CHSY3: variants seen among roughly 807,000 people sequenced by gnomAD.
CHSY3 encodes the protein N-acetylgalactosaminyl-proteoglycan 3-beta-glucuronosyltransferase 3.
Under a neutral mutation model 67.2 loss-of-function variants are expected in CHSY3, and 35 were observed. The ratio of observed to expected loss-of-function variants is 0.52; its 90% CI spans 0.40 to 0.69. The LOEUF (loss-of-function observed/expected upper bound fraction) is 0.69. CHSY3 is among the 30% of genes least tolerant of loss of function. The pLI is 0.00. For missense variants in CHSY3, 1,069 were observed against 1,138.5 expected (o/e 0.94, Z 0.88); for synonymous variants, 474 against 434.7 (o/e 1.09, Z -1.12).
intron 2 of CHSY3, among the ~76,000 whole-genome samples, chr5:130,175,846 T>C (rs1466300852): frequency 1.3e-5 from 2 of 151,906 alleles, no homozygotes; most frequent in African/African-American, 2.4e-5. Context: ...ACCTTATAAA[T>C]TAACTGAAGA....
rs537221274 is a variant in CHSY3, at chr5:130,184,657, G to T, written c.1515G>T (p.Met505Ile). The T allele has an allele frequency of 3.1e-6, 5 of 1,604,626 alleles. No homozygotes were observed. In the South Asian group the frequency reaches 5.5e-5, roughly 18 times the overall value. Reference sequence around the variant, plus strand: ...ATACCGTCCTACAGGTGATGGAGATGATCAATGAGAATGCCAAGAGCAGAG... The same window carrying T: ...ATACCGTCCTACAGGTGATGGAGATTATCAATGAGAATGCCAAGAGCAGAG... ...LDDTVLQVME[M>I]INENAKSRGR... Residue 505 changes from methionine (M) to isoleucine (I), a missense_variant, in exon 3 of 3, where the codon ATG becomes ATT. Around this residue, in one of 5 missense-constraint regions of CHSY3, gnomAD observed 401 missense variants for 395.2 expected, o/e 1.01. Coordinates refer to ENST00000305031, the MANE Select transcript of CHSY3 (RefSeq NM_175856.5).
intron 2 of CHSY3, among the ~76,000 whole-genome samples, chr5:130,174,597 A>T (rs1048432491): frequency 6.6e-6 from 1 of 152,154 alleles, no homozygotes; most frequent in Non-Finnish European, 1.5e-5. Context: ...CAATACCTAC[A>T]TTAATAATAA....
intron 2 of CHSY3, among the ~76,000 whole-genome samples, chr5:130,014,411 A>G (rs1764153095): frequency 6.6e-6 from 1 of 152,222 alleles, no homozygotes; most frequent in African/African-American, 2.4e-5. Context: ...ACAGTTTCAC[A>G]TGGCTAGGGA....
intron 2 of CHSY3, among the ~76,000 whole-genome samples, chr5:129,923,388 C>A (rs558873312): frequency 2.6e-5 from 4 of 151,602 alleles, no homozygotes; most frequent in Non-Finnish European, 5.9e-5. Flanking sequence ...TTGTGAACAT[C>A]GAGTTTCATT....
At chr5:130,088,925 A>G (rs995066142) in intron 2 of CHSY3, among the ~76,000 whole-genome samples, 3 of 152,070 alleles carry the variant, frequency 2.0e-5, no homozygotes, top group African/African-American at 4.8e-5. Flanking sequence ...ACGCACACGT[A>G]TGTTTATTGC....
At chr5:129,920,012 C>T (rs1258325407) in intron 2 of CHSY3, among the ~76,000 whole-genome samples, 3 of 151,982 alleles carry the variant, frequency 2.0e-5, no homozygotes, top group South Asian at 4.2e-4. Flanking sequence ...AATTATTAAC[C>T]ATGTTTACCA....
chr5:129,996,465 A>G (rs941042116), intron 2 of CHSY3, among the ~76,000 whole-genome samples: 2 of 152,216 alleles, frequency 1.3e-5, no homozygotes, highest in African/African-American at 4.8e-5. Context: ...TTGTTTTTAC[A>G]TCATCCAGCA....
Position 130,171,507 on chromosome 5 carries a change from C to G in CHSY3, c.1087-12722C>G, listed in dbSNP as rs144930462. On this transcript the variant is annotated intron_variant, in intron 2 of 2. Transcript: ENST00000305031. ...CAAGACATCAGGTGTCCAGAATATACTCTGCTGAGAAATCTATATCAATGA... is the reference window on the plus strand; with the variant it reads ...CAAGACATCAGGTGTCCAGAATATAGTCTGCTGAGAAATCTATATCAATGA... Among the ~76,000 whole-genome samples the G allele has an allele frequency of 2.0e-3, 307 of 152,238 alleles. 2 individuals are homozygous for G. Among genetic ancestry groups the G allele is most frequent in the African/African-American group, 6.8e-3 (282 of 41,542 alleles).
chr5:130,184,877 G>C lies in CHSY3; in HGVS notation c.1735G>C (p.Asp579His), dbSNP rs1004643309. ...KPFFRETEEL[D>H]VNSLVESINS... ...TTTCTTCAGAGAGACCGAAGAGCTAGATGTCAACAGTCTTGTGGAGAGTAT... is the reference window on the plus strand; with the variant it reads ...TTTCTTCAGAGAGACCGAAGAGCTACATGTCAACAGTCTTGTGGAGAGTAT... The change falls in exon 3 of 3, where the codon GAT (aspartate) becomes CAT (histidine). Residue 579 changes from aspartate (D) to histidine (H), a missense_variant. By Grantham distance (81) the Asp-to-His change is moderately conservative (BLOSUM62 -1). Transcript: ENST00000305031. 1.1e-5 allele frequency: 17 copies of C among 1,578,700 alleles called. No individual in the cohort carries two copies. Among genetic ancestry groups the C allele is most frequent in the African/African-American group, 2.7e-5 (2 of 74,164 alleles).
At chr5:130,075,957 G>A (rs769286426) in intron 2 of CHSY3, among the ~76,000 whole-genome samples, 8 of 152,044 alleles carry the variant, frequency 5.3e-5, no homozygotes, top group Non-Finnish European at 1.2e-4. Context: ...AGCTATCAAG[G>A]CTTAAAATCT....
chr5:130,146,207 A>G (rs1460207215), intron 2 of CHSY3, among the ~76,000 whole-genome samples: 2 of 152,192 alleles, frequency 1.3e-5, no homozygotes, highest in Non-Finnish European at 2.9e-5. Flanking sequence ...CCTGTGTCCA[A>G]CAATGGATTA....
At chr5:130,021,751 T>C (rs1764396733) in intron 2 of CHSY3, among the ~76,000 whole-genome samples, 1 of 152,178 alleles carries the variant, frequency 6.6e-6, no homozygotes. Flanking sequence ...TTCGCATGTG[T>C]GATAAATATT....
intron 2 of CHSY3, among the ~76,000 whole-genome samples, chr5:129,956,495 C>T (rs761506491): frequency 6.6e-5 from 10 of 151,938 alleles, no homozygotes; most frequent in African/African-American, 2.4e-4. Flanking sequence ...TATATCTCAT[C>T]CTGTGGGTTG....
At chr5:129,949,238 G>A (rs900917378) in intron 2 of CHSY3, among the ~76,000 whole-genome samples, 3 of 152,094 alleles carry the variant, frequency 2.0e-5, no homozygotes, top group Admixed American at 6.6e-5. Flanking sequence ...ACAGGTCATC[G>A]AGAGAGAAAG....
At chr5:130,012,118 C>T (rs1002212352) in intron 2 of CHSY3, among the ~76,000 whole-genome samples, 9 of 152,120 alleles carry the variant, frequency 5.9e-5, no homozygotes, top group Non-Finnish European at 1.2e-4. Flanking sequence ...TCATGTGGAT[C>T]CAAAGAAGAG....
At chr5:129,918,239 T>A (rs1241950706) in intron 2 of CHSY3, among the ~76,000 whole-genome samples, 5 of 152,130 alleles carry the variant, frequency 3.3e-5, no homozygotes, top group Non-Finnish European at 5.9e-5. Flanking sequence ...TAAAGATATG[T>A]TTTCACTGTA....
At chr5:130,069,474 A>AC (rs1023962147) in intron 2 of CHSY3, among the ~76,000 whole-genome samples, 22 of 152,030 alleles carry the variant, frequency 1.4e-4, no homozygotes, top group African/African-American at 4.8e-4. Flanking sequence ...ATATAGTGAG[A>AC]CCCCATCTCT....
chr5:129,967,422 AAC>A (rs910948339), intron 2 of CHSY3, among the ~76,000 whole-genome samples: 1 of 151,866 alleles, frequency 6.6e-6, no homozygotes, highest in African/African-American at 2.4e-5. Context: ...AAGAGAATTA[AAC>A]ACACTTATTT....
At chr5:130,001,795 TC>T (rs1763734640) in intron 2 of CHSY3, 2 of 812,038 alleles carry the variant, frequency 2.5e-6, no homozygotes, top group Non-Finnish European at 3.0e-6. Context: ...TTCCTGTATA[TC>T]TAGATTATGG....
Sources: allele counts gnomAD v4.1 joint callset (sites outside exome capture counted in the v4.1 genomes callset), GRCh38; gene constraint gnomAD v4.1.1; regional missense constraint gnomAD v4.1.1; transcripts MANE v1.5; gene names NCBI Gene and HGNC (gene_info 2026-07-23, HGNC 2026-07-21).